FAM53A: variants seen among roughly 807,000 people sequenced by gnomAD.
FAM53A encodes the protein family with sequence similarity 53 member A, also known as protein FAM53A.
FAM53A carries 28 observed loss-of-function variants against 26.6 expected under a neutral mutation model. The ratio of observed to expected loss-of-function variants is 1.05; its 90% CI spans 0.78 to 1.45. The LOEUF (loss-of-function observed/expected upper bound fraction) is 1.45, where lower values mean the gene tolerates loss of function less well. Ranked by LOEUF, FAM53A falls within the 40% of genes most tolerant of loss-of-function variation. FAM53A has a pLI of 0.00. For missense variants in FAM53A, 650 were observed against 575.8 expected (o/e 1.13, Z -1.32); for synonymous variants, 290 against 253.1 (o/e 1.15, Z -1.38).
chr4:1,586,528 C>T, the FAM53A span, among the ~76,000 whole-genome samples: 2 of 151,998 alleles, frequency 1.3e-5, no homozygotes, highest in African/African-American at 4.8e-5. Flanking sequence ...GTAATCCCAG[C>T]ACTTTGGGGG....
Position 1,677,413 on chromosome 4 carries a change from G to A in FAM53A, c.-165+6820C>T, listed in dbSNP as rs578013358. Among the ~76,000 whole-genome samples the A allele has an allele frequency of 5.9e-5, 9 of 152,260 alleles. No homozygotes were observed. The South Asian group carries it at 8.3e-4, about 14-fold the overall frequency. On this transcript the variant is annotated intron_variant, in intron 1 of 4. Coordinates refer to ENST00000308132, the MANE Select transcript of FAM53A (RefSeq NM_001174070.3). ...CCGCTCCTCCAACCCTTCCAATGAC[G>A]TGTGTATGCTTCACCCCCAAGGGCT...
intron 2 of FAM53A, among the ~76,000 whole-genome samples, chr4:1,660,926 A>G (rs1321971341): frequency 6.6e-6 from 1 of 151,490 alleles, no homozygotes; most frequent in Non-Finnish European, 1.5e-5. Context: ...CTCTCTACCA[A>G]TCAATCCCAG....
chr4:1,614,427 G>A (rs563136956), downstream of FAM53A, among the ~76,000 whole-genome samples: 17 of 136,974 alleles, frequency 1.2e-4, no homozygotes, highest in African/African-American at 4.3e-4. Context: ...ATGCAGAGAC[G>A]TGAGGGGGAT....
chr4:1,589,307 C>G, the FAM53A span, among the ~76,000 whole-genome samples: 14 of 152,082 alleles, frequency 9.2e-5, no homozygotes, highest in African/African-American at 3.4e-4. Context: ...GATGTTGAAC[C>G]ATCTTTGCAT....
chr4:1,675,967 G>A (rs1009118041), intron 1 of FAM53A, among the ~76,000 whole-genome samples: 1 of 152,200 alleles, frequency 6.6e-6, no homozygotes, highest in Non-Finnish European at 1.5e-5. Flanking sequence ...GCGGCAAAAT[G>A]CCCTCGGCTG....
At chr4:1,611,016 CT>C in the FAM53A span, among the ~76,000 whole-genome samples, 17 of 152,320 alleles carry the variant, frequency 1.1e-4, no homozygotes, top group South Asian at 2.9e-3. Flanking sequence ...CGGACGTGGG[CT>C]GGACCATGTG....
At chr4:1,683,318 G>C (rs1715584146) in intron 1 of FAM53A, 1 of 152,228 alleles carries the variant, frequency 6.6e-6, no homozygotes, top group African/African-American at 2.4e-5. Context: ...GAGGGAGAAG[G>C]TCAGGCGACA....
downstream of FAM53A, among the ~76,000 whole-genome samples, chr4:1,638,830 G>A (rs1169896063): frequency 6.6e-6 from 1 of 152,222 alleles, no homozygotes; most frequent in Non-Finnish European, 1.5e-5. Flanking sequence ...GTCCTTGAAG[G>A]GGACTCAGGT....
intron 4 of FAM53A, 73 bp from the exon 5 acceptor site, chr4:1,641,680 C>G: frequency 6.6e-7 from 1 of 1,520,022 alleles, no homozygotes; most frequent in Non-Finnish European, 9.1e-7. Context: ...ACCAACCCAT[C>G]GAGGGCTCGG....
At chr4:1,635,182 C>T (rs1048058553), downstream of FAM53A, among the ~76,000 whole-genome samples, 1 of 152,208 alleles carries the variant, frequency 6.6e-6, no homozygotes, top group Non-Finnish European at 1.5e-5. Context: ...CTCAATTAAG[C>T]TAAAAGACTT....
chr4:1,583,017 C>G, the FAM53A span, among the ~76,000 whole-genome samples: 1 of 152,168 alleles, frequency 6.6e-6, no homozygotes, highest in African/African-American at 2.4e-5. Context: ...TGTCAAGAAC[C>G]TGGGTGATAG....
chr4:1,638,613 G>T (rs967236582), downstream of FAM53A, among the ~76,000 whole-genome samples: 22 of 152,308 alleles, frequency 1.4e-4, no homozygotes, highest in Middle Eastern at 3.4e-3. Context: ...CTGGGGGAAG[G>T]TGGCAAGTCC....
the FAM53A span, among the ~76,000 whole-genome samples, chr4:1,601,870 G>A: frequency 2.2e-5 from 1 of 46,290 alleles, no homozygotes; most frequent in African/African-American, 5.4e-5. Flanking sequence ...CTAGAGCGAG[G>A]CTGGGGGAGG....
chr4:1,605,800 C>G, the FAM53A span, among the ~76,000 whole-genome samples: 1 of 152,150 alleles, frequency 6.6e-6, no homozygotes, highest in Non-Finnish European at 1.5e-5. This position sits in a 1 kb window ranked among gnomAD's most constrained non-coding sequence, Gnocchi z 5.7. Flanking sequence ...TGCTGACTGG[C>G]GCACCCCTTC....
In FAM53A at chr4:1,645,376, A is replaced by G. The variant is rs143515788; in HGVS notation, c.883-3769T>C. 2.2e-3 allele frequency among the ~76,000 whole-genome samples: 334 copies of G among 152,286 alleles called. 1 individual carries two copies. Among genetic ancestry groups the G allele is most frequent in the Non-Finnish European group, 2.9e-3 (200 of 68,012 alleles). ...GGTGAGCGCCCTCCCAACCCTGCAG[A>G]AGAGAGGGTTATTAGGAAAGTACGG... On this transcript the variant is annotated intron_variant, in intron 4 of 4. Coordinates refer to ENST00000308132, the MANE Select transcript of FAM53A (RefSeq NM_001174070.3).
chr4:1,655,942 G>A (rs1241950560), intron 3 of FAM53A, among the ~76,000 whole-genome samples: 1 of 152,156 alleles, frequency 6.6e-6, no homozygotes, highest in African/African-American at 2.4e-5. Context: ...TCTTAAAGGG[G>A]ACACCGTGTC....
the FAM53A span, among the ~76,000 whole-genome samples, chr4:1,605,279 G>A: frequency 2.6e-5 from 4 of 152,296 alleles, no homozygotes; most frequent in South Asian, 2.1e-4. This position sits in a 1 kb window ranked among gnomAD's most constrained non-coding sequence, Gnocchi z 5.7. Flanking sequence ...GACTGGAGTC[G>A]GAACTCCCAG....
chr4:1,652,043 CCA>C (rs1388684941), intron 4 of FAM53A, among the ~76,000 whole-genome samples: 5 of 141,282 alleles, frequency 3.5e-5, no homozygotes, highest in Non-Finnish European at 4.7e-5. Context: ...CACACACACA[CCA>C]CACACGCCAC....
rs1460667413 is a variant in FAM53A at position 1,655,707 on chromosome 4, C to T, written c.153G>A (p.Lys51=). ...TGACGGGCGGTCCTCCACTGAAGAC[C>T]TTCCAGGGACTCTGGTCTACAAAAA... is the stretch of plus-strand genomic sequence containing the variant. ...PLELNDQSPW[K]VFSGGPPVRS... is the part of the protein sequence containing the mutation. Residue 51 remains lysine, a synonymous_variant, in exon 4 of 5, where the codon AAG becomes AAA. Transcript: ENST00000308132. 1 of 1,577,896 alleles carries T rather than the reference C, an allele frequency of 6.3e-7. No homozygotes were observed. Among genetic ancestry groups the T allele is most frequent in the Non-Finnish European group, 8.6e-7 (1 of 1,168,226 alleles).
Sources: allele counts gnomAD v4.1 joint callset (sites outside exome capture counted in the v4.1 genomes callset), GRCh38; gene constraint gnomAD v4.1.1; non-coding constraint Gnocchi (gnomAD v3.1); transcripts MANE v1.5; gene names NCBI Gene and HGNC (gene_info 2026-07-23, HGNC 2026-07-21).